LYPD6B: variants seen among roughly 807,000 people sequenced by gnomAD.
The protein encoded by LYPD6B is ly6/PLAUR domain-containing protein 6B.
LYPD6B carries 17 observed loss-of-function variants against 22.8 expected under a neutral mutation model. The ratio of observed to expected loss-of-function variants is 0.75; its 90% CI spans 0.51 to 1.12. The LOEUF (loss-of-function observed/expected upper bound fraction) is 1.12, where lower values mean the gene tolerates loss of function less well. Ranked by LOEUF, LYPD6B falls within the 50% of genes most tolerant of loss-of-function variation. The pLI is 0.00. For missense variants in LYPD6B, 221 were observed against 258.3 expected (o/e 0.86, Z 0.99); for synonymous variants, 106 against 91.6 (o/e 1.16, Z -0.90).
rs1559080434 is a variant in LYPD6B at position 149,208,378 on chromosome 2, C to G, written c.294C>G (p.Cys98Trp). The stretch of plus-strand genomic sequence containing the variant: ...AAAACGCAGGGGATAATTATAACTG[C>G]AATCGATGGGCAGAAGACAAATGGT... ...TCENAGDNYN[C>W]NRWAEDKWCP... The change falls in exon 5 of 7, where the codon TGC becomes TGG. Residue 98 changes from cysteine to tryptophan, a missense_variant. Cys to Trp is a radical substitution (Grantham distance 215, BLOSUM62 -2). Transcript: ENST00000409642. 1.1e-5 allele frequency: 17 copies of G among 1,613,646 alleles called. No individual in the cohort carries two copies. Among genetic ancestry groups the G allele is most frequent in the Non-Finnish European group, 1.4e-5 (16 of 1,179,608 alleles).
intron 3 of LYPD6B, among the ~76,000 whole-genome samples, chr2:149,190,970 C>T (rs2106056465): frequency 6.6e-6 from 1 of 151,988 alleles, no homozygotes; most frequent in South Asian, 2.1e-4. Context: ...AAGACCTTTC[C>T]CTACTCCAAG....
rs1403093065 is a variant in LYPD6B, at chr2:149,057,146, T to C, written c.-67+18345T>C. ...AGTCAATTCAGACTCGTATGACTCA[T>C]GTATTTTCATTTTTACTTTTCTATT... On this transcript the variant is annotated intron_variant, in intron 1 of 6. Transcript: ENST00000409642. Among the ~76,000 whole-genome samples, 4 of 152,182 alleles carry C rather than the reference T, an allele frequency of 2.6e-5. No homozygotes were observed. The East Asian group carries it at 7.7e-4, about 29-fold the overall frequency.
At chr2:149,061,180 C>T (rs1420718002) in intron 1 of LYPD6B, among the ~76,000 whole-genome samples, 1 of 143,548 alleles carries the variant, frequency 7.0e-6, no homozygotes, top group African/African-American at 2.6e-5. Flanking sequence ...CTTTCTCAGA[C>T]TTAGCAGGCT....
At chr2:149,152,081 CT>C (rs1393846315) in intron 2 of LYPD6B, among the ~76,000 whole-genome samples, 2 of 152,174 alleles carry the variant, frequency 1.3e-5, no homozygotes, top group Non-Finnish European at 2.9e-5. Context: ...AAACTCCTCT[CT>C]TTTCAAAAGC....
chr2:149,178,375 A>T (rs530875471), intron 3 of LYPD6B, among the ~76,000 whole-genome samples: 3 of 152,218 alleles, frequency 2.0e-5, no homozygotes, highest in Admixed American at 6.5e-5. Flanking sequence ...CACCACTGTG[A>T]TCTAGATGTC....
In LYPD6B at chr2:149,129,568, T is replaced by C. The variant is rs557216142; in HGVS notation, c.-66-1315T>C. 2.7e-3 allele frequency among the ~76,000 whole-genome samples: 418 copies of C among 152,346 alleles called. 3 individuals are homozygous for C. The highest frequency in any genetic ancestry group is 6.8e-3 in the Middle Eastern group (2 of 294). ...CCTCCTCGTGGTTTATAACTGGAGA[T>C]AATCTTTAAGTCAACGGAATGCAGC... On this transcript the variant is annotated intron_variant, in intron 1 of 6. Transcript: ENST00000409642.
chr2:149,178,964 C>G (rs985268384), intron 3 of LYPD6B, among the ~76,000 whole-genome samples: 2 of 152,184 alleles, frequency 1.3e-5, no homozygotes, highest in East Asian at 1.9e-4. Context: ...TGTCTACTAC[C>G]GTCGTCATGA....
intron 1 of LYPD6B, among the ~76,000 whole-genome samples, chr2:149,083,298 C>T (rs753771900): frequency 2.6e-5 from 4 of 152,224 alleles, no homozygotes; most frequent in Non-Finnish European, 5.9e-5. Context: ...TGAGGACATT[C>T]TCCCTACATT....
chr2:149,104,699 G>A, intron 1 of LYPD6B, among the ~76,000 whole-genome samples: 1 of 152,040 alleles, frequency 6.6e-6, no homozygotes, highest in East Asian at 1.9e-4. Context: ...GTCTTTCAAA[G>A]AAGTGAATAA....
chr2:149,051,371 T>C (rs1683549800), intron 1 of LYPD6B, among the ~76,000 whole-genome samples: 1 of 151,806 alleles, frequency 6.6e-6, no homozygotes, highest in Non-Finnish European at 1.5e-5. Context: ...TTCACCACGT[T>C]AGCCAGGATG....
rs554527094 is a variant in LYPD6B at position 149,049,027 on chromosome 2, C to G, written c.-67+10226C>G. On this transcript the variant is annotated intron_variant, in intron 1 of 6. Coordinates refer to ENST00000409642, the MANE Select transcript of LYPD6B (RefSeq NM_177964.5). ...TGATATTCATCTGCATTGAAAGCTCCTGGTCTAAGTATCACTTTCAACCTT... is the reference window on the plus strand; with the variant it reads ...TGATATTCATCTGCATTGAAAGCTCGTGGTCTAAGTATCACTTTCAACCTT... Among the ~76,000 whole-genome samples the G allele has an allele frequency of 4.6e-5, 7 of 152,268 alleles. No individual in the cohort carries two copies. In the East Asian group the frequency reaches 1.4e-3, roughly 29 times the overall value.
intron 4 of LYPD6B, chr2:149,206,256 T>A: frequency 4.0e-6 from 1 of 252,360 alleles, no homozygotes; most frequent in Non-Finnish European, 8.0e-6. Context: ...GAAGCTCTTC[T>A]GATACGGTTG....
At chr2:149,178,592 A>C (rs1257758589) in intron 3 of LYPD6B, among the ~76,000 whole-genome samples, 1 of 152,142 alleles carries the variant, frequency 6.6e-6, no homozygotes, top group Non-Finnish European at 1.5e-5. Context: ...AGACACTGGC[A>C]GCCTAACTCA....
At chr2:149,168,322 C>T (rs1690574252) in intron 3 of LYPD6B, among the ~76,000 whole-genome samples, 1 of 151,644 alleles carries the variant, frequency 6.6e-6, no homozygotes, top group Non-Finnish European at 1.5e-5. Flanking sequence ...CACATTTGCA[C>T]ATGTGCCCGT....
chr2:149,132,072 C>A (rs1404684), intron 2 of LYPD6B, among the ~76,000 whole-genome samples: 3 of 151,594 alleles, frequency 2.0e-5, no homozygotes, highest in Non-Finnish European at 2.9e-5. Flanking sequence ...TCCATGCTCC[C>A]TTTTTTAAAA....
chr2:149,173,349 C>CTTTTTTTTTTTTTTTTTTTTTTTT (rs67113716), intron 3 of LYPD6B, among the ~76,000 whole-genome samples: 2 of 58,488 alleles, frequency 3.4e-5, no homozygotes, highest in Non-Finnish European at 5.8e-5. Context: ...TCTGTCAGGC[C>CTTTTTTTTTTTTTTTTTTTTTTTT]TTTTTTTTTT....
chr2:149,083,698 T>C (rs1455874972), intron 1 of LYPD6B, among the ~76,000 whole-genome samples: 2 of 152,196 alleles, frequency 1.3e-5, no homozygotes, highest in Non-Finnish European at 1.5e-5. Flanking sequence ...TCATAGGTGA[T>C]GCTGTGAAGT....
intron 1 of LYPD6B, among the ~76,000 whole-genome samples, chr2:149,083,165 C>A (rs918978510): frequency 6.6e-6 from 1 of 152,216 alleles, no homozygotes; most frequent in Non-Finnish European, 1.5e-5. Flanking sequence ...GCGCTTCATG[C>A]ATACCATGGC....
chr2:149,132,880 T>A lies in LYPD6B; in HGVS notation c.5+1927T>A, dbSNP rs185842004. On this transcript the variant is annotated intron_variant, in intron 2 of 6. Transcript: ENST00000409642. ...AGTTTCTGAGAACTGATGCTATTAT[T>A]TATTTACTTATTTAAAAATTTTTTT... is the stretch of plus-strand genomic sequence containing the variant. 2.6e-5 allele frequency among the ~76,000 whole-genome samples: 4 copies of A among 152,328 alleles called. No homozygotes were observed. The East Asian group carries it at 7.7e-4, about 29-fold the overall frequency.
Sources: gnomAD v4.1 joint callset for allele counts (sites outside exome capture counted in the v4.1 genomes callset) on GRCh38, gnomAD v4.1.1 for gene constraint, MANE v1.5 for transcripts, NCBI Gene and HGNC (gene_info 2026-07-23, HGNC 2026-07-21) for gene names.